Variants in TMEM88 observed in about 807,000 individuals in gnomAD.
The protein encoded by TMEM88 is transmembrane protein 88.
A neutral mutation model predicts 10.0 loss-of-function variants in TMEM88; 8 were observed. That is an observed-to-expected ratio of 0.80 (90% confidence interval 0.47 to 1.44). The LOEUF is 1.44. TMEM88 is among the 40% of genes most tolerant of loss of function. TMEM88 has a pLI of 0.00. For synonymous variants in TMEM88, 139 were observed against 104.9 expected, an observed-to-expected ratio of 1.33 and a Z score of -1.99; for missense variants, 255 against 217.8, an observed-to-expected ratio of 1.17 and a Z score of -1.07.
rs1567808948 is a variant in TMEM88, at chr17:7,855,282, CAGGTG to C, written c.210+1_210+5del. ...GGGCTTCGGCTTCCTCTGCCACTCT[CAGGTG>C]AGCGTGCGCCCCGGGGTGTGCGTGT... On this transcript the variant is annotated splice_donor_variant and splice_donor_region_variant and coding_sequence_variant and intron_variant, in exon 1 of 2. Coordinates refer to ENST00000301599, the MANE Select transcript of TMEM88 (RefSeq NM_203411.2). LOFTEE classifies it high-confidence loss of function. 6.3e-7 allele frequency: 1 copy of C among 1,596,306 alleles called. No individual in the cohort carries two copies. The highest frequency in any genetic ancestry group is 1.8e-5 in the Admixed American group (1 of 56,806).
rs1283983115 is a variant in TMEM88 at position 7,855,792 on chromosome 17, C to T, written c.*78C>T. 7 of 1,442,708 alleles carry T rather than the reference C, an allele frequency of 4.9e-6. No homozygotes were observed. Among genetic ancestry groups the T allele is most frequent in the Non-Finnish European group, 4.5e-6 (5 of 1,099,512 alleles). The allele number at this position is 1,442,708 out of a possible 1,614,324, so 89.4% of individuals were successfully genotyped here. ...CAAGGACTTGAAGCCCGGCATCTTC[C>T]GACCTGCCCTGCCCCCACCCCTGCC... On this transcript the variant is annotated 3_prime_UTR_variant, in exon 2 of 2. Coordinates refer to ENST00000301599, the MANE Select transcript of TMEM88 (RefSeq NM_203411.2).
chr17:7,855,289 G>C lies in TMEM88; in HGVS notation c.210+5G>C. The C allele has an allele frequency of 1.3e-6, 2 of 1,593,666 alleles. No individual in the cohort carries two copies. Among genetic ancestry groups the C allele is most frequent in the South Asian group, 1.1e-5 (1 of 88,880 alleles). On this transcript the variant is annotated splice_donor_5th_base_variant and intron_variant, in intron 1 of 1. Coordinates refer to ENST00000301599, the MANE Select transcript of TMEM88 (RefSeq NM_203411.2). ...GGCTTCCTCTGCCACTCTCAGGTGA[G>C]CGTGCGCCCCGGGGTGTGCGTGTGA... is the stretch of plus-strand genomic sequence containing the variant.
In TMEM88 at chr17:7,855,905, T is replaced by A. The variant is rs545135932; in HGVS notation, c.*191T>A. 1.9e-5 allele frequency: 26 copies of A among 1,389,778 alleles called. No individual in the cohort carries two copies. In the East Asian group the frequency reaches 3.0e-4, roughly 16 times the overall value. 86.1% of individuals were successfully genotyped at this position (1,389,778 alleles called of 1,614,324 possible). On this transcript the variant is annotated 3_prime_UTR_variant, in exon 2 of 2. Coordinates refer to ENST00000301599, the MANE Select transcript of TMEM88 (RefSeq NM_203411.2). ...CCCCCACATCCCGGAAAACCCACTT[T>A]CCTTTCACGACCCACATCTCAATCC...
In TMEM88 at chr17:7,856,025, A is replaced by T; in HGVS notation, c.*311A>T. On this transcript the variant is annotated 3_prime_UTR_variant, in exon 2 of 2. Transcript: ENST00000301599. ...CCTCGTTTTATGGTGCAGCTTCTCT[A>T]GTATTTCTGGGGCTGGGGGGCGGGG... 6.4e-5 allele frequency: 70 copies of T among 1,092,640 alleles called. No homozygotes were observed. The highest frequency in any genetic ancestry group is 7.7e-5 in the Non-Finnish European group (65 of 847,446). The allele number at this position is 1,092,640 out of a possible 1,614,324, so 67.7% of individuals were successfully genotyped here. A position where few individuals can be genotyped will look rare whatever the true frequency, so the allele number is the denominator to read the frequency against.
Position 7,855,501 on chromosome 17 carries a change from G to T in TMEM88, c.267G>T (p.Thr89=), listed in dbSNP as rs748872219. Residue 89 remains threonine, a synonymous_variant, in exon 2 of 2, where the codon ACG becomes ACT. Transcript: ENST00000301599. The part of the protein sequence containing the change: ...CTAHLRDPGF[T]ALLVTGFLLL... ...CGCACCTGCGGGACCCCGGTTTCAC[G>T]GCCCTACTGGTCACCGGATTCCTGC... 3 of 1,608,540 alleles carry T rather than the reference G, an allele frequency of 1.9e-6. No individual in the cohort carries two copies. Among genetic ancestry groups the T allele is most frequent in the Non-Finnish European group, 1.7e-6 (2 of 1,179,920 alleles).
rs1375191062 is a variant in TMEM88 at position 7,855,282 on chromosome 17, C to A, written c.208C>A (p.Gln70Lys). The A allele has an allele frequency of 1.9e-6, 3 of 1,596,306 alleles. No homozygotes were observed. Among genetic ancestry groups the A allele is most frequent in the Non-Finnish European group, 2.6e-6 (3 of 1,172,480 alleles). ...MLGFGFLCHS[Q>K]FLRSQAPPCT... Reference sequence around the variant, plus strand: ...GGGCTTCGGCTTCCTCTGCCACTCTCAGGTGAGCGTGCGCCCCGGGGTGTG... The same window carrying A: ...GGGCTTCGGCTTCCTCTGCCACTCTAAGGTGAGCGTGCGCCCCGGGGTGTG... Residue 70 changes from glutamine to lysine, a missense_variant and splice_region_variant, in exon 1 of 2, where the codon CAG becomes AAG. Physicochemically the swap from Gln to Lys is moderately conservative, Grantham distance 53. Coordinates refer to ENST00000301599, the MANE Select transcript of TMEM88 (RefSeq NM_203411.2).
Position 7,855,224 on chromosome 17 carries a change from A to C in TMEM88, c.150A>C (p.Leu50=), listed in dbSNP as rs1472573824. Residue 50 remains leucine, a synonymous_variant, in exon 1 of 2, where the codon CTA becomes CTC. Transcript: ENST00000301599. ...ATCTTCTCCTGCTGGTGCTGGTGCTAGGGACCATCTTGCTACCCGCTGTCA... is the reference window on the plus strand; with the variant it reads ...ATCTTCTCCTGCTGGTGCTGGTGCTCGGGACCATCTTGCTACCCGCTGTCA... The part of the protein sequence containing the change: ...AFNLLLLVLV[L]GTILLPAVTM... 1 of 1,608,146 alleles carries C rather than the reference A, an allele frequency of 6.2e-7. No individual in the cohort carries two copies. The highest frequency in any genetic ancestry group is 2.2e-5 in the East Asian group (1 of 44,680).
Position 7,855,629 on chromosome 17 carries a change from G to A in TMEM88, c.395G>A (p.Arg132Gln). 1 of 1,608,686 alleles carries A rather than the reference G, an allele frequency of 6.2e-7. No individual in the cohort carries two copies. The highest frequency in any genetic ancestry group is 8.5e-7 in the Non-Finnish European group (1 of 1,179,368). ...GTGCCCTACAGCCGAGCCCTTTATCGGCGTCGGCGCGCCCCGCAGCCGCGG... is the reference window on the plus strand; with the variant it reads ...GTGCCCTACAGCCGAGCCCTTTATCAGCGTCGGCGCGCCCCGCAGCCGCGG... The part of the protein sequence containing the change: ...CLVPYSRALY[R>Q]RRRAPQPRQI... Residue 132 changes from arginine (R) to glutamine (Q), a missense_variant, in exon 2 of 2, where the codon CGG becomes CAG. Physicochemically the swap from Arg to Gln is conservative, Grantham distance 43. Coordinates refer to ENST00000301599, the MANE Select transcript of TMEM88 (RefSeq NM_203411.2).
chr17:7,855,260 C>T lies in TMEM88; in HGVS notation c.186C>T (p.Gly62=). 3 of 1,600,230 alleles carry T rather than the reference C, an allele frequency of 1.9e-6. No individual in the cohort carries two copies. The highest frequency in any genetic ancestry group is 1.1e-5 in the South Asian group (1 of 89,298). Residue 62 remains glycine, a synonymous_variant, in exon 1 of 2, where the codon GGC becomes GGT. Coordinates refer to ENST00000301599, the MANE Select transcript of TMEM88 (RefSeq NM_203411.2). The part of the protein sequence containing the change: ...TILLPAVTML[G]FGFLCHSQFL... ...TGCTACCCGCTGTCACCATGCTGGG[C>T]TTCGGCTTCCTCTGCCACTCTCAGG...
In TMEM88 at chr17:7,855,280, C is replaced by T; in HGVS notation, c.206C>T (p.Ser69Phe). Reference sequence around the variant, plus strand: ...CTGGGCTTCGGCTTCCTCTGCCACTCTCAGGTGAGCGTGCGCCCCGGGGTG... The same window carrying T: ...CTGGGCTTCGGCTTCCTCTGCCACTTTCAGGTGAGCGTGCGCCCCGGGGTG... ...TMLGFGFLCH[S>F]QFLRSQAPPC... The change falls in exon 1 of 2, where the codon TCT (serine) becomes TTT (phenylalanine). Residue 69 changes from serine (S) to phenylalanine (F), a missense_variant. Transcript: ENST00000301599. 1.3e-6 allele frequency: 2 copies of T among 1,596,574 alleles called. No homozygotes were observed. The highest frequency in any genetic ancestry group is 1.7e-6 in the Non-Finnish European group (2 of 1,172,552).
Position 7,855,491 on chromosome 17 carries a change from C to T in TMEM88, c.257C>T (p.Pro86Leu). 1 of 1,608,144 alleles carries T rather than the reference C, an allele frequency of 6.2e-7. No homozygotes were observed. The highest frequency in any genetic ancestry group is 1.6e-4 in the Middle Eastern group (1 of 6,062). The change falls in exon 2 of 2, where the codon CCC becomes CTC. Residue 86 changes from proline to leucine, a missense_variant. Physicochemically the swap from Pro to Leu is moderately conservative, Grantham distance 98 (BLOSUM62 -3). Transcript: ENST00000301599. ...CCTTGCACCGCGCACCTGCGGGACC[C>T]CGGTTTCACGGCCCTACTGGTCACC... ...APPCTAHLRD[P>L]GFTALLVTGF...
chr17:7,855,638 G>A lies in TMEM88; in HGVS notation c.404G>A (p.Arg135His), dbSNP rs1173976894. The change falls in exon 2 of 2, where the codon CGC becomes CAC. Residue 135 changes from arginine (R) to histidine (H), a missense_variant. Arg to His is a conservative substitution (Grantham distance 29). Transcript: ENST00000301599. Reference protein sequence around the residue: ...PYSRALYRRRRAPQPRQIRAS... With the variant: ...PYSRALYRRRHAPQPRQIRAS... ...AGCCGAGCCCTTTATCGGCGTCGGC[G>A]CGCCCCGCAGCCGCGGCAAATCCGG... 8 of 1,607,836 alleles carry A rather than the reference G, an allele frequency of 5.0e-6. No individual in the cohort carries two copies. Among genetic ancestry groups the A allele is most frequent in the Non-Finnish European group, 6.8e-6 (8 of 1,178,794 alleles).
rs1183620920 is a variant in TMEM88 at position 7,855,555 on chromosome 17, G to A, written c.321G>A (p.Leu107=). ...LLLVPLLVLA[L]ASYRRLCLRL... ...TCGTGCCGCTGCTCGTGCTTGCTCT[G>A]GCCAGCTACCGCCGCCTCTGCCTGC... The change falls in exon 2 of 2, where the codon CTG becomes CTA. Residue 107 remains leucine, a synonymous_variant. Coordinates refer to ENST00000301599, the MANE Select transcript of TMEM88 (RefSeq NM_203411.2). The A allele has an allele frequency of 1.9e-6, 3 of 1,608,186 alleles. No homozygotes were observed. Among genetic ancestry groups the A allele is most frequent in the South Asian group, 1.1e-5 (1 of 91,082 alleles).
In TMEM88 at chr17:7,856,094, A is replaced by T; in HGVS notation, c.*380A>T. ...CCACGCATCAATAAAGATTTAACGAACTGAACGCGCTCTGCGAACAGAGGC... is the reference window on the plus strand; with the variant it reads ...CCACGCATCAATAAAGATTTAACGATCTGAACGCGCTCTGCGAACAGAGGC... On this transcript the variant is annotated 3_prime_UTR_variant, in exon 2 of 2. Transcript: ENST00000301599. 1.3e-6 allele frequency: 1 copy of T among 749,726 alleles called. No individual in the cohort carries two copies. The highest frequency in any genetic ancestry group is 4.3e-4 in the Middle Eastern group (1 of 2,316). 46.4% of individuals were successfully genotyped at this position (749,726 alleles called of 1,614,324 possible). A position where few individuals can be genotyped will look rare whatever the true frequency, so the allele number is the denominator to read the frequency against.
chr17:7,856,026 GTATT>G lies in TMEM88; in HGVS notation c.*314_*317del. Reference sequence around the variant, plus strand: ...CTCGTTTTATGGTGCAGCTTCTCTAGTATTTCTGGGGCTGGGGGGCGGGGCTGGA... The same window carrying G: ...CTCGTTTTATGGTGCAGCTTCTCTAGTCTGGGGCTGGGGGGCGGGGCTGGA... On this transcript the variant is annotated 3_prime_UTR_variant, in exon 2 of 2. Transcript: ENST00000301599. The G allele has an allele frequency of 8.8e-7, 1 of 1,139,120 alleles. No individual in the cohort carries two copies. The allele number at this position is 1,139,120 out of a possible 1,614,324, so 70.6% of individuals were successfully genotyped here.
In TMEM88 at chr17:7,855,754, C is replaced by T. The variant is rs1343266947; in HGVS notation, c.*40C>T. The T allele has an allele frequency of 8.8e-6, 13 of 1,472,366 alleles. No homozygotes were observed. In the East Asian group the frequency reaches 1.7e-4, roughly 19 times the overall value. 91.2% of individuals were successfully genotyped at this position (1,472,366 alleles called of 1,614,324 possible). On this transcript the variant is annotated 3_prime_UTR_variant, in exon 2 of 2. Coordinates refer to ENST00000301599, the MANE Select transcript of TMEM88 (RefSeq NM_203411.2). ...AGAACAACCCTGACGGCTGCCCTCC[C>T]TCTTATTCGGCCCAAGGACTTGAAG...
At position 7,855,080 on chromosome 17, in the gene TMEM88, G is replaced by C. The variant is rs1337806309; in HGVS notation, c.6G>C (p.Ala2=). 5 of 1,600,682 alleles carry C rather than the reference G, an allele frequency of 3.1e-6. No homozygotes were observed. The South Asian group carries it at 4.4e-5, about 14-fold the overall frequency. Residue 2 remains alanine, a synonymous_variant, in exon 1 of 2, where the codon GCG becomes GCC. Transcript: ENST00000301599. ...GGGCGGGATCCAGGCGGGCCATGGC[G>C]GATGTCCCCGGGGCACAGCGAGCGG... M[A]DVPGAQRAVP... is the part of the protein sequence containing the mutation.
At position 7,855,575 on chromosome 17, in the gene TMEM88, G is replaced by A; in HGVS notation, c.341G>A (p.Cys114Tyr). ...GCTCTGGCCAGCTACCGCCGCCTCT[G>A]CCTGCGCCTCCGCCTAGCCGATTGC... Reference protein sequence around the residue: ...VLALASYRRLCLRLRLADCLV... With the variant: ...VLALASYRRLYLRLRLADCLV... The change falls in exon 2 of 2, where the codon TGC becomes TAC. Residue 114 changes from cysteine to tyrosine, a missense_variant. By Grantham distance (194) the Cys-to-Tyr change is radical. Transcript: ENST00000301599. The A allele has an allele frequency of 6.2e-7, 1 of 1,608,100 alleles. No individual in the cohort carries two copies. Among genetic ancestry groups the A allele is most frequent in the Non-Finnish European group, 8.5e-7 (1 of 1,179,848 alleles).
Position 7,855,859 on chromosome 17 carries a change from T to C in TMEM88, c.*145T>C. 7.0e-7 allele frequency: 1 copy of C among 1,420,008 alleles called. No homozygotes were observed. The highest frequency in any genetic ancestry group is 1.5e-5 in the South Asian group (1 of 65,620). The allele number at this position is 1,420,008 out of a possible 1,614,324, so 88.0% of individuals were successfully genotyped here. A position where few individuals can be genotyped will look rare whatever the true frequency, so the allele number is the denominator to read the frequency against. On this transcript the variant is annotated 3_prime_UTR_variant, in exon 2 of 2. Transcript: ENST00000301599. ...ATCCCCTTGGGAGCAGCAGCGTCAG[T>C]GGACCCAGTGCTGAGAAAAGCCCCC...
Sources: allele counts gnomAD v4.1 joint callset, GRCh38; gene constraint gnomAD v4.1.1; transcripts MANE v1.5; gene names NCBI Gene and HGNC (gene_info 2026-07-23, HGNC 2026-07-21).